DOK5: variants seen among roughly 807,000 people sequenced by gnomAD.
DOK5 encodes downstream of tyrosine kinase 5.
Under a neutral mutation model 43.3 loss-of-function variants are expected in DOK5, and 27 were observed. That is an observed-to-expected ratio of 0.62 (90% CI 0.46 to 0.86). The LOEUF is 0.86. DOK5 is among the 40% of genes least tolerant of loss of function. The pLI, the probability that DOK5 is intolerant of heterozygous loss-of-function variation, is 0.00. For synonymous variants in DOK5, 146 were observed against 140.1 expected (o/e 1.04, Z -0.30); for missense variants, 373 against 392.9 (o/e 0.95, Z 0.43).
chr20:54,538,543 G>T (rs1000008789), intron 1 of DOK5, among the ~76,000 whole-genome samples: 43 of 152,166 alleles, frequency 2.8e-4, no homozygotes, highest in Non-Finnish European at 8.8e-5. Context: ...GGAACTCAGT[G>T]AGCAAAAATA....
At position 54,519,479 on chromosome 20, in the gene DOK5, AG is replaced by A. The variant is rs1484626144; in HGVS notation, c.67-35452del. ...ATGAAATGGTTTATTCTCCTCTATA[AG>A]GATGCAAAAGTTACTATTGCCCATA... On this transcript the variant is annotated intron_variant, in intron 1 of 7. Coordinates refer to ENST00000262593, the MANE Select transcript of DOK5 (RefSeq NM_018431.5). 3.9e-5 allele frequency among the ~76,000 whole-genome samples: 6 copies of A among 152,320 alleles called. No individual in the cohort carries two copies. The East Asian group carries it at 7.7e-4, about 20-fold the overall frequency.
chr20:54,637,547 ACTTGAATGGCAAAGTCGAGTGAAGTAGT>A (rs1305947135), intron 6 of DOK5, among the ~76,000 whole-genome samples: 8 of 152,182 alleles, frequency 5.3e-5, no homozygotes, highest in Admixed American at 5.2e-4. Context: ...TCTGCTCATC[ACTTGAATGGCAAAGTCGAGTGAAGTAGT>A]CTTATTGCCA....
chr20:54,512,478 A>C (rs1240083302), intron 1 of DOK5, among the ~76,000 whole-genome samples: 1 of 152,154 alleles, frequency 6.6e-6, no homozygotes, highest in Admixed American at 6.5e-5. Context: ...CAACTTAAGA[A>C]GTTGACTTTG....
chr20:54,588,548 A>G lies in DOK5; in HGVS notation c.240A>G (p.Ile80Met), dbSNP rs1985881533. ...CAAAAAGCACCAAGAAACATGCCAT[A>G]GGGATTTATTTCAATGACGATACCT... ...RLPKSTKKHA[I>M]GIYFNDDTSK... The change falls in exon 3 of 8, where the codon ATA becomes ATG. Residue 80 changes from isoleucine to methionine, a missense_variant. Coordinates refer to ENST00000262593, the MANE Select transcript of DOK5 (RefSeq NM_018431.5). 6.2e-7 allele frequency: 1 copy of G among 1,614,066 alleles called. No individual in the cohort carries two copies. The highest frequency in any genetic ancestry group is 1.3e-5 in the African/African-American group (1 of 74,924).
chr20:54,591,489 C>A, intron 4 of DOK5, 127 bp from the exon 5 acceptor site: 1 of 666,500 alleles, frequency 1.5e-6, no homozygotes, highest in Non-Finnish European at 2.4e-6. Flanking sequence ...AAAGGTTTAT[C>A]TTTCTGAATA....
chr20:54,640,180 C>T (rs1001550090), intron 6 of DOK5, among the ~76,000 whole-genome samples: 16 of 152,318 alleles, frequency 1.1e-4, no homozygotes, highest in Admixed American at 8.5e-4. Context: ...CGTGCCAAAT[C>T]GACACAGACA....
In DOK5 at chr20:54,556,941, T is replaced by C. The variant is rs529865717; in HGVS notation, c.174+1901T>C. On this transcript the variant is annotated intron_variant, in intron 2 of 7. Coordinates refer to ENST00000262593, the MANE Select transcript of DOK5 (RefSeq NM_018431.5). ...AATAAGAAATAGGCTATGTTACAGA[T>C]AGACCTATACATACCTAAGAGAAGA... 2.0e-5 allele frequency among the ~76,000 whole-genome samples: 3 copies of C among 152,342 alleles called. No individual in the cohort carries two copies. The East Asian group carries it at 5.8e-4, about 29-fold the overall frequency.
intron 7 of DOK5, among the ~76,000 whole-genome samples, chr20:54,647,149 A>T (rs1979470317): frequency 6.6e-6 from 1 of 152,080 alleles, no homozygotes. Flanking sequence ...TCGTTTTAAA[A>T]TTTTCATAGA....
chr20:54,538,852 G>A (rs1052899576), intron 1 of DOK5, among the ~76,000 whole-genome samples: 2 of 152,164 alleles, frequency 1.3e-5, no homozygotes, highest in African/African-American at 4.8e-5. Flanking sequence ...AACAAACTGT[G>A]TTACATTAGT....
At chr20:54,562,975 G>C (rs1054481911) in intron 2 of DOK5, among the ~76,000 whole-genome samples, 4 of 152,158 alleles carry the variant, frequency 2.6e-5, no homozygotes, top group Non-Finnish European at 5.9e-5. Flanking sequence ...TCGGATTAGA[G>C]TGGACCCCAG....
chr20:54,550,406 A>G (rs1431328431), intron 1 of DOK5, among the ~76,000 whole-genome samples: 1 of 152,176 alleles, frequency 6.6e-6, no homozygotes, highest in Non-Finnish European at 1.5e-5. Context: ...GTCTTCCAAA[A>G]CTACAGTATG....
chr20:54,591,297 G>T (rs941008324), intron 4 of DOK5, among the ~76,000 whole-genome samples: 1 of 151,960 alleles, frequency 6.6e-6, no homozygotes, highest in African/African-American at 2.4e-5. Context: ...TGCTTTTAAT[G>T]GTTGTATTGC....
At chr20:54,643,825 G>A (rs1037944660) in intron 7 of DOK5, among the ~76,000 whole-genome samples, 5 of 152,132 alleles carry the variant, frequency 3.3e-5, no homozygotes, top group African/African-American at 1.2e-4. Flanking sequence ...AGATTCTTGG[G>A]TTTCATCCCC....
intron 5 of DOK5, among the ~76,000 whole-genome samples, chr20:54,595,110 G>A (rs1986096341): frequency 6.6e-6 from 1 of 152,194 alleles, no homozygotes; most frequent in Non-Finnish European, 1.5e-5. Flanking sequence ...GGGAGGCCAA[G>A]GCGGGCAGAT....
chr20:54,631,480 G>T (rs1300618100), intron 6 of DOK5, among the ~76,000 whole-genome samples: 1 of 151,692 alleles, frequency 6.6e-6, no homozygotes, highest in Non-Finnish European at 1.5e-5. Flanking sequence ...AGGAGAGAGG[G>T]AGGGAGGCAG....
At chr20:54,507,911 A>G (rs900632339) in intron 1 of DOK5, among the ~76,000 whole-genome samples, 4 of 152,206 alleles carry the variant, frequency 2.6e-5, no homozygotes, top group African/African-American at 9.7e-5. Context: ...ATGCATTCTA[A>G]GTGTATTGAG....
At chr20:54,490,556 T>C (rs1432780774) in intron 1 of DOK5, among the ~76,000 whole-genome samples, 3 of 152,096 alleles carry the variant, frequency 2.0e-5, no homozygotes, top group African/African-American at 4.8e-5. Context: ...TTCCTGGGTA[T>C]CTGGTATCTT....
Position 54,588,752 on chromosome 20 carries a change from A to C in DOK5, c.355A>C (p.Ile119Leu), listed in dbSNP as rs1208273523. The stretch of plus-strand genomic sequence containing the variant: ...GTGTGTAGGAACACGGATCAATGAC[A>C]TCAGCCTTGGAGAGCCTGACTTACT... ...MECVGTRIND[I>L]SLGEPDLLAT... The change falls in exon 4 of 8, where the codon ATC becomes CTC. Residue 119 changes from isoleucine (I) to leucine (L), a missense_variant. Coordinates refer to ENST00000262593, the MANE Select transcript of DOK5 (RefSeq NM_018431.5). 1.9e-6 allele frequency: 3 copies of C among 1,613,984 alleles called. No individual in the cohort carries two copies. In the African/African-American group the frequency reaches 4.0e-5, roughly 22 times the overall value.
At chr20:54,625,100 G>C (rs1194248729) in intron 6 of DOK5, among the ~76,000 whole-genome samples, 1 of 152,122 alleles carries the variant, frequency 6.6e-6, no homozygotes, top group Admixed American at 6.5e-5. Context: ...TGGATGATAG[G>C]AGTACCCATC....
Sources: allele counts gnomAD v4.1 joint callset (sites outside exome capture counted in the v4.1 genomes callset), GRCh38; gene constraint gnomAD v4.1.1; transcripts MANE v1.5; gene names NCBI Gene and HGNC (gene_info 2026-07-23, HGNC 2026-07-21).